ADCY1: variants seen among roughly 807,000 people sequenced by gnomAD.
ADCY1 encodes the protein adenylate cyclase 1, also known as adenylate cyclase type 1.
Under a neutral mutation model 105.4 loss-of-function variants are expected in ADCY1, and 28 were observed. That is an observed-to-expected ratio of 0.27 (90% CI 0.20 to 0.36). ADCY1 has a LOEUF of 0.36. Among genes scored for constraint, ADCY1 ranks in the 10% least tolerant of loss-of-function variants. The probability of loss-of-function intolerance (pLI) is 1.00; values close to 1 mark genes in which losing one functional copy is unlikely to be tolerated. For missense variants in ADCY1, 977 were observed against 1,434.2 expected (o/e 0.68, Z 5.15); for synonymous variants, 655 against 623.8 (o/e 1.05, Z -0.75).
chr7:45,601,430 G>A (rs1290590648), intron 2 of ADCY1, among the ~76,000 whole-genome samples: 2 of 152,124 alleles, frequency 1.3e-5, no homozygotes, highest in Non-Finnish European at 2.9e-5. Flanking sequence ...ATACCTGAGC[G>A]CACTGCACCC....
chr7:45,700,602 A>T (rs1197688009), intron 14 of ADCY1, among the ~76,000 whole-genome samples: 1 of 152,284 alleles, frequency 6.6e-6, no homozygotes, highest in Middle Eastern at 3.4e-3. Context: ...CACAAAGTCT[A>T]TTTATAGTGA....
At chr7:45,669,718 T>A (rs896025493) in intron 8 of ADCY1, among the ~76,000 whole-genome samples, 3 of 152,228 alleles carry the variant, frequency 2.0e-5, no homozygotes, top group African/African-American at 2.4e-5. Context: ...GAAATTTTTT[T>A]AAAATATAAC....
intron 5 of ADCY1, among the ~76,000 whole-genome samples, chr7:45,653,456 C>T (rs147307901): frequency 6.6e-6 from 1 of 152,324 alleles, no homozygotes; most frequent in Non-Finnish European, 1.5e-5. Context: ...GCCCAGACTG[C>T]AGGGACACAG....
At position 45,641,564 on chromosome 7, in the gene ADCY1, C is replaced by G. The variant is rs568798620; in HGVS notation, c.1021-7106C>G. Among the ~76,000 whole-genome samples the G allele has an allele frequency of 3.3e-5, 5 of 152,256 alleles. No individual in the cohort carries two copies. In the South Asian group the frequency reaches 1.0e-3, roughly 32 times the overall value. ...ACCACCACGATACCATTATCATACC[C>G]AACCAAACTGATGAAAGTTACATCA... is the stretch of plus-strand genomic sequence containing the variant. On this transcript the variant is annotated intron_variant, in intron 4 of 19. Coordinates refer to ENST00000297323, the MANE Select transcript of ADCY1 (RefSeq NM_021116.4).
In ADCY1 at chr7:45,703,585, C is replaced by A. The variant is rs1785045151; in HGVS notation, c.2572-15C>A. 2 of 1,611,248 alleles carry A rather than the reference C, an allele frequency of 1.2e-6. No homozygotes were observed. The highest frequency in any genetic ancestry group is 1.7e-6 in the Non-Finnish European group (2 of 1,178,268). On this transcript the variant is annotated splice_polypyrimidine_tract_variant and intron_variant, in intron 15 of 19. Coordinates refer to ENST00000297323, the MANE Select transcript of ADCY1 (RefSeq NM_021116.4). The surrounding 1 kb of genome is among the most constrained non-coding windows in gnomAD (Gnocchi z 5.9). ...ACCTGGCTGACCCTTCCTGACCCATCCTTTGAACTTCCAGGACCTCTACTA... is the reference window on the plus strand; with the variant it reads ...ACCTGGCTGACCCTTCCTGACCCATACTTTGAACTTCCAGGACCTCTACTA...
chr7:45,578,422 G>A (rs996524317), intron 1 of ADCY1, among the ~76,000 whole-genome samples: 7 of 152,082 alleles, frequency 4.6e-5, no homozygotes, highest in African/African-American at 1.4e-4. Context: ...TTATTTAGCC[G>A]AGCACCTGTC....
At chr7:45,663,181 T>C (rs986738527) in intron 8 of ADCY1, among the ~76,000 whole-genome samples, 2 of 152,172 alleles carry the variant, frequency 1.3e-5, no homozygotes, top group African/African-American at 4.8e-5. Context: ...GTTACCACTT[T>C]CTTCTCTGCC....
intron 8 of ADCY1, among the ~76,000 whole-genome samples, chr7:45,672,302 G>T (rs1784382292): frequency 6.6e-6 from 1 of 151,882 alleles, no homozygotes; most frequent in South Asian, 2.1e-4. Context: ...TTATCTATTT[G>T]TCTGTCTGTC....
intron 5 of ADCY1, among the ~76,000 whole-genome samples, chr7:45,649,312 C>T (rs1484218074): frequency 6.6e-6 from 1 of 152,178 alleles, no homozygotes; most frequent in Non-Finnish European, 1.5e-5. Context: ...ATTTCTTGGT[C>T]AGTCTTATGT....
At chr7:45,625,257 G>A (rs1562694226) in intron 4 of ADCY1, among the ~76,000 whole-genome samples, 1 of 152,180 alleles carries the variant, frequency 6.6e-6, no homozygotes, top group Non-Finnish European at 1.5e-5. Context: ...ATGTTTCCAT[G>A]TTCCAAGTGG....
chr7:45,695,777 AAAG>A (rs1409048716), intron 14 of ADCY1, among the ~76,000 whole-genome samples: 2 of 152,358 alleles, frequency 1.3e-5, no homozygotes, highest in East Asian at 1.9e-4. Flanking sequence ...GTGCAACAAG[AAAG>A]AAGATGTCTG....
chr7:45,706,198 C>G (rs1785113654), intron 17 of ADCY1, among the ~76,000 whole-genome samples: 4 of 152,060 alleles, frequency 2.6e-5, no homozygotes, highest in Admixed American at 2.6e-4. Flanking sequence ...CAAAATGATC[C>G]TAAGTTTTTA....
chr7:45,681,255 G>C (rs145323801), intron 11 of ADCY1, among the ~76,000 whole-genome samples: 1 of 152,326 alleles, frequency 6.6e-6, no homozygotes, highest in Non-Finnish European at 1.5e-5. Context: ...TGCCCTCATG[G>C]CTGGGAACTT....
chr7:45,587,124 G>A lies in ADCY1; in HGVS notation c.640-5635G>A, dbSNP rs146558306. Among the ~76,000 whole-genome samples, 223 of 152,318 alleles carry A rather than the reference G, an allele frequency of 1.5e-3. 3 individuals carry two copies. The highest frequency in any genetic ancestry group is 6.2e-4 in the Non-Finnish European group (42 of 68,030). On this transcript the variant is annotated intron_variant, in intron 1 of 19. Coordinates refer to ENST00000297323, the MANE Select transcript of ADCY1 (RefSeq NM_021116.4). ...TCATACCCAATAGGAGTGATCCTGGGGTGAGAAGGGACCACCCAGACCAGT... is the reference window on the plus strand; with the variant it reads ...TCATACCCAATAGGAGTGATCCTGGAGTGAGAAGGGACCACCCAGACCAGT...
At chr7:45,578,173 A>G (rs933378424) in intron 1 of ADCY1, among the ~76,000 whole-genome samples, 1 of 152,114 alleles carries the variant, frequency 6.6e-6, no homozygotes, top group Admixed American at 6.5e-5. Flanking sequence ...AGTGTGCATG[A>G]CTATTAGCAC....
rs1425305339 is a variant in ADCY1 at position 45,716,690 on chromosome 7, C to G, written c.*2695C>G. 3 of 152,474 alleles carry G rather than the reference C, an allele frequency of 2.0e-5. No individual in the cohort carries two copies. The highest frequency in any genetic ancestry group is 7.2e-5 in the African/African-American group (3 of 41,458). The allele number at this position is 152,474 out of a possible 1,614,324, so 9.4% of individuals were successfully genotyped here. ...AGTGAACCCCAAAGGTGTCCATGCC[C>G]CAGTTCTAAGCCCTGTGGCCAGGTG... On this transcript the variant is annotated 3_prime_UTR_variant, in exon 20 of 20. Coordinates refer to ENST00000297323, the MANE Select transcript of ADCY1 (RefSeq NM_021116.4).
chr7:45,622,829 C>A, intron 4 of ADCY1, 86 bp downstream of exon 4: 1 of 1,049,716 alleles, frequency 9.5e-7, no homozygotes. Flanking sequence ...TGTATTTGGA[C>A]CATGAACTAG....
At chr7:45,624,815 C>T (rs527892604) in intron 4 of ADCY1, among the ~76,000 whole-genome samples, 14 of 152,272 alleles carry the variant, frequency 9.2e-5, no homozygotes, top group African/African-American at 2.2e-4. Flanking sequence ...TGGAGGGTCC[C>T]GCTTGGCCCC....
At chr7:45,650,289 ATTTC>A (rs748301765) in intron 5 of ADCY1, among the ~76,000 whole-genome samples, 68 of 152,224 alleles carry the variant, frequency 4.5e-4, no homozygotes, top group African/African-American at 8.7e-4. Flanking sequence ...TGTCTTTCGT[ATTTC>A]TTAATGGATC....
Sources: gnomAD v4.1 joint callset for allele counts (sites outside exome capture counted in the v4.1 genomes callset) on GRCh38, gnomAD v4.1.1 for gene constraint, Gnocchi (gnomAD v3.1) non-coding constraint, MANE v1.5 for transcripts, NCBI Gene and HGNC (gene_info 2026-07-23, HGNC 2026-07-21) for gene names.